FBXW7: variants seen among roughly 807,000 people sequenced by gnomAD.
FBXW7 encodes the protein F-box/WD repeat-containing protein 7.
FBXW7 carries 11 observed loss-of-function variants against 86.3 expected under a neutral mutation model. The ratio of observed to expected loss-of-function variants is 0.13; its 90% CI spans 0.08 to 0.21. The LOEUF is 0.21. FBXW7 is among the 10% of genes least tolerant of loss of function. The pLI, the probability that FBXW7 is intolerant of heterozygous loss-of-function variation, is 1.00. For missense variants in FBXW7, 488 were observed against 847.4 expected (o/e 0.58, Z 5.27); for synonymous variants, 313 against 297.9 (o/e 1.05, Z -0.52).
chr4:152,489,226 T>C (rs184278993), intron 2 of FBXW7: 9 of 154,448 alleles, frequency 5.8e-5, no homozygotes, highest in African/African-American at 1.9e-4. Flanking sequence ...AGGGCCATGT[T>C]TGTGTTGCCC....
chr4:152,388,046 T>C (rs1317667018), intron 4 of FBXW7, among the ~76,000 whole-genome samples: 3 of 152,050 alleles, frequency 2.0e-5, no homozygotes, highest in Non-Finnish European at 1.5e-5. Flanking sequence ...TTTTTTAAGC[T>C]TTAGTATTCA....
intron 2 of FBXW7, among the ~76,000 whole-genome samples, chr4:152,514,820 A>T (rs1748317045): frequency 1.3e-5 from 2 of 152,182 alleles, no homozygotes; most frequent in Admixed American, 6.5e-5. Context: ...TGAACCAAAT[A>T]AACCTCTTCT....
At chr4:152,377,182 T>C (rs760047791) in intron 4 of FBXW7, among the ~76,000 whole-genome samples, 5 of 152,168 alleles carry the variant, frequency 3.3e-5, no homozygotes, top group Admixed American at 6.5e-5. Flanking sequence ...CCTGCAGCAT[T>C]AGAGAGTCCT....
At chr4:152,518,953 AT>A (rs1479304717) in intron 2 of FBXW7, among the ~76,000 whole-genome samples, 3 of 152,116 alleles carry the variant, frequency 2.0e-5, no homozygotes, top group Admixed American at 1.3e-4. Flanking sequence ...GAAAAAATAA[AT>A]TTTTTTTAAA....
At chr4:152,476,648 T>C (rs1462687260) in intron 2 of FBXW7, among the ~76,000 whole-genome samples, 1 of 152,174 alleles carries the variant, frequency 6.6e-6, no homozygotes, top group Non-Finnish European at 1.5e-5. Flanking sequence ...AGCTAACTAT[T>C]TGAACAGATA....
chr4:152,451,683 T>C (rs1213836457), intron 2 of FBXW7: 1 of 151,610 alleles, frequency 6.6e-6, no homozygotes, highest in Non-Finnish European at 1.5e-5. Context: ...TACTTCCTAC[T>C]TGGGAAGCTA....
At chr4:152,517,696 TG>T (rs1206702462) in intron 2 of FBXW7, among the ~76,000 whole-genome samples, 2 of 152,210 alleles carry the variant, frequency 1.3e-5, no homozygotes, top group African/African-American at 4.8e-5. Context: ...GAGGACTGGA[TG>T]AGGTAATACA....
intron 2 of FBXW7, among the ~76,000 whole-genome samples, chr4:152,442,353 C>T (rs1740969670): frequency 2.0e-5 from 3 of 152,176 alleles, no homozygotes; most frequent in African/African-American, 7.2e-5. Flanking sequence ...AAATCTATGG[C>T]TCCTTCTAAA....
At chr4:152,326,276 AC>A (rs1173300875) in intron 11 of FBXW7, 45 bp from the exon 12 acceptor site, 2 of 1,458,298 alleles carry the variant, frequency 1.4e-6, no homozygotes, top group African/African-American at 2.8e-5. Flanking sequence ...AAAAAAACCC[AC>A]GTTTAGAATT....
chr4:152,502,086 T>C (rs1345985915), intron 2 of FBXW7, among the ~76,000 whole-genome samples: 3 of 152,180 alleles, frequency 2.0e-5, no homozygotes, highest in Non-Finnish European at 4.4e-5. Context: ...GTAACCAAAA[T>C]ACTTTAATCA....
chr4:152,449,713 C>T (rs1308044647), intron 2 of FBXW7, among the ~76,000 whole-genome samples: 2 of 152,132 alleles, frequency 1.3e-5, no homozygotes, highest in Admixed American at 6.5e-5. Context: ...ACATAAGCAA[C>T]AATATTAAGT....
chr4:152,401,469 A>G (rs939328099), intron 4 of FBXW7, among the ~76,000 whole-genome samples: 1 of 152,210 alleles, frequency 6.6e-6, no homozygotes, highest in Non-Finnish European at 1.5e-5. Context: ...TTCCAACTAT[A>G]TGACATTCTG....
intron 4 of FBXW7, among the ~76,000 whole-genome samples, chr4:152,403,767 C>T (rs984141562): frequency 2.0e-5 from 3 of 152,144 alleles, no homozygotes; most frequent in African/African-American, 7.2e-5. Flanking sequence ...ACTCACCTAC[C>T]GCCCGCCTCC....
chr4:152,344,345 G>A (rs1455263905), intron 6 of FBXW7, among the ~76,000 whole-genome samples: 1 of 152,096 alleles, frequency 6.6e-6, no homozygotes, highest in Non-Finnish European at 1.5e-5. Flanking sequence ...TACCTGTCCA[G>A]TTGACCTTTT....
At position 152,411,513 on chromosome 4, in the gene FBXW7, T is replaced by C; in HGVS notation, c.291A>G (p.Glu97=). The C allele has an allele frequency of 1.2e-6, 2 of 1,613,926 alleles. No individual in the cohort carries two copies. The highest frequency in any genetic ancestry group is 8.5e-7 in the Non-Finnish European group (1 of 1,179,914). The change falls in exon 4 of 14, where the codon GAA becomes GAG. Residue 97 remains glutamate (E), a synonymous_variant. Transcript: ENST00000281708. ...CAGCATGTTCTTCATCTTCCTCTTG[T>C]TCTTCTTGGTTTCCTGAGGAGTCCT... is the stretch of plus-strand genomic sequence containing the variant. ...VDEDSSGNQE[E]QEEDEEHAGE... is the part of the protein sequence containing the mutation.
intron 2 of FBXW7, among the ~76,000 whole-genome samples, chr4:152,459,380 G>A (rs1742729087): frequency 6.6e-6 from 1 of 151,978 alleles, no homozygotes; most frequent in Non-Finnish European, 1.5e-5. Flanking sequence ...CATCTCTTTG[G>A]AGCAAATAAG....
At chr4:152,361,962 T>A (rs1246460323) in intron 4 of FBXW7, among the ~76,000 whole-genome samples, 3 of 97,530 alleles carry the variant, frequency 3.1e-5, no homozygotes, top group African/African-American at 4.2e-5. Context: ...CTAGACTCCA[T>A]CTCAAAAAAA....
intron 2 of FBXW7, among the ~76,000 whole-genome samples, chr4:152,487,829 C>T (rs1049599294): frequency 6.6e-6 from 1 of 151,880 alleles, no homozygotes; most frequent in South Asian, 2.1e-4. Context: ...GTTTTAATAG[C>T]TATACAATAC....
intron 4 of FBXW7, among the ~76,000 whole-genome samples, chr4:152,387,596 A>C (rs562553184): frequency 1.8e-5 from 2 of 114,264 alleles, no homozygotes; most frequent in East Asian, 4.9e-4. Flanking sequence ...AGCTTGTATT[A>C]GCAAAAACTG....
Sources: allele counts gnomAD v4.1 joint callset (sites outside exome capture counted in the v4.1 genomes callset), GRCh38; gene constraint gnomAD v4.1.1; transcripts MANE v1.5; gene names NCBI Gene and HGNC (gene_info 2026-07-23, HGNC 2026-07-21).